Variants in ATF7 observed in about 807,000 individuals in gnomAD.
ATF7 encodes the protein activating transcription factor 7.
Under a neutral mutation model 50.4 loss-of-function variants are expected in ATF7, and 10 were observed. The observed-to-expected ratio is 0.20, with a 90% CI of 0.12 to 0.34. The LOEUF (loss-of-function observed/expected upper bound fraction) is 0.34. Ranked by LOEUF, ATF7 falls within the 10% of genes least tolerant of loss-of-function variation. The probability of loss-of-function intolerance (pLI) is 1.00; values close to 1 mark genes in which losing one functional copy is unlikely to be tolerated. For synonymous variants in ATF7, 201 were observed against 226.4 expected, an observed-to-expected ratio of 0.89 and a Z score of 1.01; for missense variants, 465 against 613.9, an observed-to-expected ratio of 0.76 and a Z score of 2.56.
chr12:53,567,959 G>A (rs767119626), intron 2 of ATF7, among the ~76,000 whole-genome samples: 6 of 152,060 alleles, frequency 3.9e-5, no homozygotes, highest in Non-Finnish European at 8.8e-5. Flanking sequence ...CTTGAAAAAC[G>A]TATCAAATAC....
At chr12:53,532,307 G>T (rs1436787434) in intron 8 of ATF7, among the ~76,000 whole-genome samples, 1 of 152,168 alleles carries the variant, frequency 6.6e-6, no homozygotes, top group Non-Finnish European at 1.5e-5. Context: ...CACTGCCATG[G>T]TCTATGTACC....
rs531899620 is a variant in ATF7, at chr12:53,529,982, T to C, written c.927+1762A>G. On this transcript the variant is annotated intron_variant, in intron 9 of 11. Transcript: ENST00000420353. ...TGGTCTCGAACTCCTGACCTTGTGA[T>C]CCGCCCACCTCGGCCTCCCAAAGTG... Among the ~76,000 whole-genome samples the C allele has an allele frequency of 1.9e-4, 29 of 151,986 alleles. No homozygotes were observed. The South Asian group carries it at 3.5e-3, about 18-fold the overall frequency.
chr12:53,579,642 T>C (rs1159999692), intron 2 of ATF7, among the ~76,000 whole-genome samples: 2 of 151,836 alleles, frequency 1.3e-5, no homozygotes, highest in African/African-American at 4.8e-5. Context: ...TAGGGAACTA[T>C]CTGTGCCTGG....
intron 2 of ATF7, among the ~76,000 whole-genome samples, chr12:53,592,761 T>A (rs1253556912): frequency 1.3e-5 from 2 of 152,194 alleles, no homozygotes; most frequent in Non-Finnish European, 2.9e-5. Flanking sequence ...GTACAATAGG[T>A]ACTGAAGCAA....
intron 1 of ATF7, among the ~76,000 whole-genome samples, chr12:53,620,684 CG>C (rs1944344893): frequency 6.6e-6 from 1 of 150,510 alleles, no homozygotes; most frequent in African/African-American, 2.4e-5. Context: ...TGAACCTGGG[CG>C]GCAGAGGTTG....
intron 4 of ATF7, among the ~76,000 whole-genome samples, chr12:53,542,107 G>GTTTTTT (rs1199418506): frequency 1.3e-4 from 13 of 101,448 alleles, no homozygotes; most frequent in East Asian, 3.9e-4. Context: ...CGCCTGGCCT[G>GTTTTTT]TTTTTTTTTT....
Position 53,512,155 on chromosome 12 carries a change from C to T in ATF7, c.*4982G>A, listed in dbSNP as rs893518782. 2 of 152,154 alleles carry T rather than the reference C, an allele frequency of 1.3e-5. No homozygotes were observed. Among genetic ancestry groups the T allele is most frequent in the Non-Finnish European group, 2.9e-5 (2 of 68,062 alleles). 9.4% of individuals were successfully genotyped at this position (152,154 alleles called of 1,614,324 possible). Reference sequence around the variant, plus strand: ...GGAGAAGGCATAGCTGGGGGGATAACTGCTAAGTGGCAAGGGGGAAAGGAA... The same window carrying T: ...GGAGAAGGCATAGCTGGGGGGATAATTGCTAAGTGGCAAGGGGGAAAGGAA... On this transcript the variant is annotated 3_prime_UTR_variant, in exon 12 of 12. Coordinates refer to ENST00000420353, the MANE Select transcript of ATF7 (RefSeq NM_006856.3).
intron 1 of ATF7, among the ~76,000 whole-genome samples, chr12:53,601,412 T>C (rs547619774): frequency 6.6e-6 from 1 of 152,320 alleles, no homozygotes; most frequent in East Asian, 1.9e-4. Context: ...AAATTTGTCA[T>C]TTAATTAATT....
In ATF7 at chr12:53,513,207, C is replaced by G. The variant is rs1037080431; in HGVS notation, c.*3930G>C. ...CTACTCTCCCCAGCCTTTTCTCATT[C>G]TGGGGTAGGACTTTACCCCAAAGAG... is the stretch of plus-strand genomic sequence containing the variant. On this transcript the variant is annotated 3_prime_UTR_variant, in exon 12 of 12. Coordinates refer to ENST00000420353, the MANE Select transcript of ATF7 (RefSeq NM_006856.3). The G allele has an allele frequency of 5.9e-5, 9 of 152,234 alleles. No individual in the cohort carries two copies. Among genetic ancestry groups the G allele is most frequent in the Non-Finnish European group, 8.8e-5 (6 of 68,048 alleles). 9.4% of individuals were successfully genotyped at this position (152,234 alleles called of 1,614,324 possible).
At chr12:53,594,527 G>C (rs1402357644) in intron 2 of ATF7, among the ~76,000 whole-genome samples, 3 of 152,310 alleles carry the variant, frequency 2.0e-5, no homozygotes, top group Non-Finnish European at 4.4e-5. Flanking sequence ...CAAGTGTCAA[G>C]AGTATCAGAT....
rs1367114281 is a variant in ATF7 at position 53,532,505 on chromosome 12, C to G, written c.774+5G>C. On this transcript the variant is annotated splice_donor_5th_base_variant and intron_variant, in intron 8 of 11. Transcript: ENST00000420353. Reference sequence around the variant, plus strand: ...CAACATTGCCCCAGACTGGGATGTACTCACCATCTTGGCTTCTGATGGTAT... The same window carrying G: ...CAACATTGCCCCAGACTGGGATGTAGTCACCATCTTGGCTTCTGATGGTAT... The G allele has an allele frequency of 6.3e-7, 1 of 1,575,250 alleles. No homozygotes were observed. The highest frequency in any genetic ancestry group is 8.7e-7 in the Non-Finnish European group (1 of 1,154,584).
chr12:53,608,977 T>C (rs1943729012), intron 1 of ATF7, among the ~76,000 whole-genome samples: 1 of 152,050 alleles, frequency 6.6e-6, no homozygotes, highest in South Asian at 2.1e-4. Flanking sequence ...ACTACTCAAG[T>C]TTTACTAGGC....
chr12:53,516,692 C>T lies in ATF7; in HGVS notation c.*445G>A, dbSNP rs1937721264. 1 of 182,614 alleles carries T rather than the reference C, an allele frequency of 5.5e-6. No homozygotes were observed. The highest frequency in any genetic ancestry group is 1.2e-5 in the Non-Finnish European group (1 of 84,080). 11.3% of individuals were successfully genotyped at this position (182,614 alleles called of 1,614,324 possible). A position where few individuals can be genotyped will look rare whatever the true frequency, so the allele number is the denominator to read the frequency against. On this transcript the variant is annotated 3_prime_UTR_variant, in exon 12 of 12. Transcript: ENST00000420353. ...GCTGGGTCAGCGGGTAATATGTCATCAAATCTAGCCTCCCTCTATCTGGCA... is the reference window on the plus strand; with the variant it reads ...GCTGGGTCAGCGGGTAATATGTCATTAAATCTAGCCTCCCTCTATCTGGCA...
At chr12:53,619,624 G>T (rs1317655391) in intron 1 of ATF7, among the ~76,000 whole-genome samples, 11 of 151,848 alleles carry the variant, frequency 7.2e-5, no homozygotes, top group Admixed American at 7.2e-4. Flanking sequence ...ACCAGCCTAG[G>T]CAACATGGGA....
chr12:53,595,779 A>G (rs1243154324), intron 2 of ATF7, among the ~76,000 whole-genome samples: 1 of 152,174 alleles, frequency 6.6e-6, no homozygotes, highest in Non-Finnish European at 1.5e-5. Context: ...GGGCTCCATC[A>G]CTATTCTTGG....
At chr12:53,518,258 C>A (rs373503437) in intron 11 of ATF7, among the ~76,000 whole-genome samples, 1 of 152,376 alleles carries the variant, frequency 6.6e-6, no homozygotes, top group East Asian at 1.9e-4. Context: ...TTATGAATGG[C>A]CAGTCCCTGG....
intron 2 of ATF7, among the ~76,000 whole-genome samples, chr12:53,576,953 G>A (rs1193302144): frequency 6.6e-6 from 1 of 152,186 alleles, no homozygotes; most frequent in Non-Finnish European, 1.5e-5. Context: ...CTACTCAGGA[G>A]GCTGAGGCAT....
In ATF7 at chr12:53,593,394, T is replaced by TA. The variant is rs576080032; in HGVS notation, c.48+7558dup. On this transcript the variant is annotated intron_variant, in intron 2 of 11. Transcript: ENST00000420353. ...GGGTGACAGAACAAGACCCTATCTC[T>TA]AAAAAAAAAATAAAAGTGGCATTGT... is the stretch of plus-strand genomic sequence containing the variant. 6.7e-4 allele frequency among the ~76,000 whole-genome samples: 99 copies of TA among 148,780 alleles called. No homozygotes were observed. In the South Asian group the frequency reaches 0.016, roughly 24 times the overall value.
At chr12:53,610,330 C>A (rs908682765) in intron 1 of ATF7, among the ~76,000 whole-genome samples, 1 of 151,734 alleles carries the variant, frequency 6.6e-6, no homozygotes. Context: ...TTTGGGACGA[C>A]GAGGCAGGTG....
Sources: allele counts gnomAD v4.1 joint callset (sites outside exome capture counted in the v4.1 genomes callset), GRCh38; gene constraint gnomAD v4.1.1; transcripts MANE v1.5; gene names NCBI Gene and HGNC (gene_info 2026-07-23, HGNC 2026-07-21).